MDGA2: variants seen among roughly 807,000 people sequenced by gnomAD.
The protein encoded by MDGA2 is MAM domain containing glycosylphosphatidylinositol anchor 2, also known as MAM domain-containing glycosylphosphatidylinositol anchor protein 2.
In MDGA2, 40 loss-of-function variants were observed where a neutral mutation model predicts 117.8. That is an observed-to-expected ratio of 0.34 (90% confidence interval 0.26 to 0.44). MDGA2 has a LOEUF of 0.44. Among genes scored for constraint, MDGA2 ranks in the 20% least tolerant of loss-of-function variants. The pLI, the probability that MDGA2 is intolerant of heterozygous loss-of-function variation, is 1.00. For synonymous variants in MDGA2, 452 were observed against 439.0 expected, an observed-to-expected ratio of 1.03 and a Z score of -0.37; for missense variants, 1,123 against 1,250.6, an observed-to-expected ratio of 0.90 and a Z score of 1.54.
intron 10 of MDGA2, among the ~76,000 whole-genome samples, chr14:46,904,141 ATC>A (rs1249866912): frequency 6.6e-6 from 1 of 152,138 alleles, no homozygotes; most frequent in African/African-American, 2.4e-5. Context: ...AGGCTGGTGG[ATC>A]ACTTGAGGTC....
At chr14:47,262,652 A>C (rs1443995150) in intron 2 of MDGA2, among the ~76,000 whole-genome samples, 1 of 152,200 alleles carries the variant, frequency 6.6e-6, no homozygotes, top group Non-Finnish European at 1.5e-5. Context: ...GTTTTGAGCA[A>C]AGTACAGTCA....
At chr14:47,561,148 TTTTTG>T (rs1488207876) in intron 1 of MDGA2, among the ~76,000 whole-genome samples, 2 of 90,134 alleles carry the variant, frequency 2.2e-5, no homozygotes, top group African/African-American at 3.3e-5. Flanking sequence ...TTTGTTTTTT[TTTTTG>T]TTTTGTTTTG....
At chr14:47,128,232 A>G (rs901882661) in intron 5 of MDGA2, among the ~76,000 whole-genome samples, 1 of 152,220 alleles carries the variant, frequency 6.6e-6, no homozygotes, top group Non-Finnish European at 1.5e-5. Flanking sequence ...GTCAGATGAT[A>G]GAAAAATACA....
Position 47,020,849 on chromosome 14 carries a change from T to C in MDGA2, c.1819+14162A>G, listed in dbSNP as rs576994198. ...GAATGAACTAATACATGTAAAACAC[T>C]GGAAGCAAACCTTTATGACAGTGTA... On this transcript the variant is annotated intron_variant, in intron 8 of 16. Transcript: ENST00000399232. Among the ~76,000 whole-genome samples, 11 of 151,256 alleles carry C rather than the reference T, an allele frequency of 7.3e-5. No homozygotes were observed. The East Asian group carries it at 2.1e-3, about 29-fold the overall frequency.
intron 8 of MDGA2, among the ~76,000 whole-genome samples, chr14:47,030,828 T>C (rs1036097839): frequency 2.6e-5 from 4 of 152,168 alleles, no homozygotes; most frequent in South Asian, 2.1e-4. Flanking sequence ...AAAACACTTA[T>C]ATTTTCAACT....
chr14:47,176,674 G>T (rs538745485), intron 3 of MDGA2, among the ~76,000 whole-genome samples: 1 of 152,102 alleles, frequency 6.6e-6, no homozygotes, highest in Non-Finnish European at 1.5e-5. Context: ...AGACTTAAAT[G>T]TTAGACCTAA....
chr14:46,883,165 T>G lies in MDGA2; in HGVS notation c.2239-944A>C, dbSNP rs574238312. On this transcript the variant is annotated intron_variant, in intron 10 of 16. Transcript: ENST00000399232. ...AAAGGATGGTACAAGAAAGAAAAAC[T>G]TATGTATACAAACCGAATTCATAAA... Among the ~76,000 whole-genome samples, 3 of 152,178 alleles carry G rather than the reference T, an allele frequency of 2.0e-5. 1 individual carries two copies. The highest frequency in any genetic ancestry group is 4.1e-4 in the South Asian group (2 of 4,830).
At chr14:47,108,727 A>G (rs548274420) in intron 5 of MDGA2, among the ~76,000 whole-genome samples, 1 of 152,318 alleles carries the variant, frequency 6.6e-6, no homozygotes, top group Non-Finnish European at 1.5e-5. Context: ...TTGCTCACAC[A>G]AAGTCTGTTT....
intron 2 of MDGA2, among the ~76,000 whole-genome samples, chr14:47,253,920 T>C (rs992983860): frequency 6.6e-6 from 1 of 152,264 alleles, no homozygotes; most frequent in Non-Finnish European, 1.5e-5. Context: ...TTCCTCTGTA[T>C]ACTCACAGGT....
intron 10 of MDGA2, among the ~76,000 whole-genome samples, chr14:46,892,720 A>T (rs969604874): frequency 2.0e-5 from 3 of 152,008 alleles, no homozygotes; most frequent in African/African-American, 2.4e-5. Context: ...TTCTTTAAAG[A>T]AGAAGTAAAA....
chr14:46,885,969 C>G (rs1246272406), intron 10 of MDGA2, among the ~76,000 whole-genome samples: 1 of 152,074 alleles, frequency 6.6e-6, no homozygotes, highest in African/African-American at 2.4e-5. Context: ...CAAACCTCCC[C>G]TCTGTTCCAG....
chr14:47,134,769 C>A (rs757583712), intron 4 of MDGA2, among the ~76,000 whole-genome samples: 5 of 147,362 alleles, frequency 3.4e-5, no homozygotes, highest in Non-Finnish European at 7.5e-5. Flanking sequence ...TATATACACA[C>A]ACACACACTA....
chr14:47,604,492 C>G (rs866425876), intron 1 of MDGA2, among the ~76,000 whole-genome samples: 1 of 129,400 alleles, frequency 7.7e-6, no homozygotes, highest in Non-Finnish European at 1.6e-5. Context: ...TCCCCACCCC[C>G]CCCCACCCTC....
Position 47,515,341 on chromosome 14 carries a change from ACCTGTGAATAC to A in MDGA2, c.280+159165_280+159175del, listed in dbSNP as rs1488788296. ...CATTTGGTTACCACTACTGTGAATA[ACCTGTGAATAC>A]CCTGCACATATCAAGATGTAAAGTT... On this transcript the variant is annotated intron_variant, in intron 1 of 16. Coordinates refer to ENST00000399232, the MANE Select transcript of MDGA2 (RefSeq NM_001113498.3). 3.9e-5 allele frequency among the ~76,000 whole-genome samples: 6 copies of A among 152,260 alleles called. No homozygotes were observed. In the East Asian group the frequency reaches 1.2e-3, roughly 29 times the overall value.
intron 1 of MDGA2, among the ~76,000 whole-genome samples, chr14:47,587,453 T>A (rs1053133566): frequency 3.3e-5 from 5 of 151,906 alleles, no homozygotes; most frequent in Non-Finnish European, 7.4e-5. Flanking sequence ...TATACACCCT[T>A]GAACTGTCTA....
intron 1 of MDGA2, among the ~76,000 whole-genome samples, chr14:47,459,287 GT>G (rs1444784625): frequency 6.6e-6 from 1 of 152,114 alleles, no homozygotes; most frequent in African/African-American, 2.4e-5. Flanking sequence ...GTATAAGACA[GT>G]GGCCTGGTTT....
chr14:47,356,581 G>A (rs1890998438), intron 1 of MDGA2, among the ~76,000 whole-genome samples: 1 of 152,098 alleles, frequency 6.6e-6, no homozygotes, highest in Admixed American at 6.6e-5. Context: ...ACAACATGGT[G>A]GAAAGAAGGG....
At chr14:47,130,210 G>A (rs1358882863) in intron 5 of MDGA2, among the ~76,000 whole-genome samples, 1 of 151,890 alleles carries the variant, frequency 6.6e-6, no homozygotes, top group Non-Finnish European at 1.5e-5. Context: ...TTCTTCTAGG[G>A]TTTTTATGGT....
chr14:47,662,718 A>G (rs1897873510), intron 1 of MDGA2, among the ~76,000 whole-genome samples: 1 of 152,156 alleles, frequency 6.6e-6, no homozygotes, highest in Non-Finnish European at 1.5e-5. Context: ...GAGTAACAAG[A>G]CAGATTATTT....
Sources: allele counts gnomAD v4.1 joint callset (sites outside exome capture counted in the v4.1 genomes callset), GRCh38; gene constraint gnomAD v4.1.1; transcripts MANE v1.5; gene names NCBI Gene and HGNC (gene_info 2026-07-23, HGNC 2026-07-21).